Variants in BRWD1 observed in about 807,000 individuals in gnomAD.
BRWD1 encodes the protein bromodomain and WD repeat domain containing 1, also known as bromodomain and WD repeat-containing protein 1.
BRWD1 carries 82 observed loss-of-function variants against 251.2 expected under a neutral mutation model. The observed-to-expected ratio is 0.33, with a 90% CI of 0.27 to 0.39. BRWD1 has a LOEUF of 0.39. BRWD1 is among the 10% of genes least tolerant of loss of function. The probability of loss-of-function intolerance (pLI) is 1.00; values close to 1 mark genes in which losing one functional copy is unlikely to be tolerated. For synonymous variants in BRWD1, 918 were observed against 902.8 expected, an observed-to-expected ratio of 1.02 and a Z score of -0.30; for missense variants, 2,233 against 2,711.6, an observed-to-expected ratio of 0.82 and a Z score of 3.92.
At chr21:39,254,611 A>G (rs2034503000) in intron 19 of BRWD1, among the ~76,000 whole-genome samples, 1 of 152,236 alleles carries the variant, frequency 6.6e-6, no homozygotes, top group Non-Finnish European at 1.5e-5. Context: ...TAATCAAGCC[A>G]TCTACTCTGC....
At chr21:39,274,150 G>T (rs2035204877) in intron 13 of BRWD1, among the ~76,000 whole-genome samples, 1 of 152,116 alleles carries the variant, frequency 6.6e-6, no homozygotes, top group South Asian at 2.1e-4. Context: ...AAAAGTACAT[G>T]TTATTCTTTG....
intron 12 of BRWD1, 22 bp from the exon 13 acceptor site, chr21:39,274,494 T>G (rs1397585458): frequency 6.4e-7 from 1 of 1,561,688 alleles, no homozygotes; most frequent in Admixed American, 1.7e-5. Context: ...CAGAACAGGA[T>G]CTTACTATAT....
chr21:39,303,120 T>C (rs1338360469), intron 4 of BRWD1, among the ~76,000 whole-genome samples: 1 of 152,160 alleles, frequency 6.6e-6, no homozygotes, highest in Non-Finnish European at 1.5e-5. Context: ...CTTTATTTAT[T>C]TGGGAAGTGG....
chr21:39,221,965 TAAAC>T (rs2033195116), intron 29 of BRWD1, among the ~76,000 whole-genome samples: 1 of 149,878 alleles, frequency 6.7e-6, no homozygotes, highest in African/African-American at 2.4e-5. Flanking sequence ...AAATGACCAA[TAAAC>T]AAAGGAAAAA....
downstream of BRWD1, chr21:39,184,731 C>A (rs560406721): frequency 3.9e-5 from 6 of 152,220 alleles, no homozygotes; most frequent in East Asian, 1.2e-3. Flanking sequence ...GAACATTTAG[C>A]AATAAAATTA....
chr21:39,260,009 C>T (rs2034689244), intron 17 of BRWD1, among the ~76,000 whole-genome samples: 1 of 152,114 alleles, frequency 6.6e-6, no homozygotes, highest in African/African-American at 2.4e-5. Context: ...CTGAGTAAGA[C>T]TCCCTTGCAT....
chr21:39,189,200 AG>A lies in BRWD1; in HGVS notation c.*7058del. On this transcript the variant is annotated 3_prime_UTR_variant, in exon 41 of 41. Transcript: ENST00000342449. ...TAAGGTGAAATTTGCACTTTATAGTAGGATGAGAATATACTATTATCAACTA... is the reference window on the plus strand; with the variant it reads ...TAAGGTGAAATTTGCACTTTATAGTAGATGAGAATATACTATTATCAACTA... The A allele has an allele frequency of 1.0e-6, 1 of 985,282 alleles. No homozygotes were observed. The highest frequency in any genetic ancestry group is 1.2e-6 in the Non-Finnish European group (1 of 829,760). The allele number at this position is 985,282 out of a possible 1,614,324, so 61.0% of individuals were successfully genotyped here. A position where few individuals can be genotyped will look rare whatever the true frequency, so the allele number is the denominator to read the frequency against.
At chr21:39,304,884 T>C (rs1455356484) in intron 4 of BRWD1, among the ~76,000 whole-genome samples, 1 of 150,640 alleles carries the variant, frequency 6.6e-6, no homozygotes, top group Non-Finnish European at 1.5e-5. Flanking sequence ...ACAAAAATCC[T>C]AAATTTGAAT....
At chr21:39,318,348 A>G (rs1156685069), upstream of BRWD1, among the ~76,000 whole-genome samples, 1 of 152,232 alleles carries the variant, frequency 6.6e-6, no homozygotes, top group Non-Finnish European at 1.5e-5. Flanking sequence ...GCAATGGAGA[A>G]CATGCAAAAC....
intron 8 of BRWD1, among the ~76,000 whole-genome samples, chr21:39,287,941 GACA>G (rs1233311997): frequency 6.6e-6 from 1 of 152,152 alleles, no homozygotes; most frequent in South Asian, 2.1e-4. Context: ...AGCTGCACTG[GACA>G]ACAATAAATA....
intron 4 of BRWD1, among the ~76,000 whole-genome samples, chr21:39,310,884 TAA>T (rs1204669437): frequency 4.6e-5 from 7 of 152,046 alleles, no homozygotes; most frequent in Non-Finnish European, 8.8e-5. Flanking sequence ...AAGGTATTTT[TAA>T]AAGACTTTGA....
intron 8 of BRWD1, among the ~76,000 whole-genome samples, chr21:39,282,976 A>G (rs1601456439): frequency 6.6e-6 from 1 of 151,550 alleles, no homozygotes; most frequent in East Asian, 1.9e-4. Flanking sequence ...AAAAAAAAAA[A>G]GGAATTCTAA....
In BRWD1 at chr21:39,189,708, TTAA is replaced by T. The variant is rs1164030380; in HGVS notation, c.*6548_*6550del. On this transcript the variant is annotated 3_prime_UTR_variant, in exon 41 of 41. Transcript: ENST00000342449. ...TTTTTTAAATACATTCAAGTCAGTG[TTAA>T]TTTTATTACTGAAAACTGAGTAAAT... The T allele has an allele frequency of 1.0e-6, 1 of 981,628 alleles. No individual in the cohort carries two copies. The highest frequency in any genetic ancestry group is 1.1e-4 in the East Asian group (1 of 8,802). The allele number at this position is 981,628 out of a possible 1,614,324, so 60.8% of individuals were successfully genotyped here.
chr21:39,296,250 G>T lies in BRWD1; in HGVS notation c.448+15C>A. 1 of 1,572,132 alleles carries T rather than the reference G, an allele frequency of 6.4e-7. No homozygotes were observed. Among genetic ancestry groups the T allele is most frequent in the Non-Finnish European group, 8.6e-7 (1 of 1,161,860 alleles). ...AACAATTATTTCAGGCATCTCAAAG[G>T]CCAACCTTACTTACCAAGATTTGGT... On this transcript the variant is annotated intron_variant, in intron 6 of 40. Coordinates refer to ENST00000342449, the MANE Select transcript of BRWD1 (RefSeq NM_033656.4).
intron 9 of BRWD1, among the ~76,000 whole-genome samples, chr21:39,279,821 C>T (rs1276956261): frequency 6.6e-6 from 1 of 152,032 alleles, no homozygotes; most frequent in Admixed American, 6.6e-5. Flanking sequence ...TTAGACAGCA[C>T]AGGTATACAA....
At chr21:39,255,285 G>A (rs9977926) in intron 19 of BRWD1, among the ~76,000 whole-genome samples, 15,432 of 151,910 alleles carry the variant, frequency 0.1, 914 homozygotes, top group East Asian at 0.14. Context: ...GGTGGCGGGC[G>A]CCTGTAAGCC....
At chr21:39,255,213 C>A (rs898624731) in intron 19 of BRWD1, among the ~76,000 whole-genome samples, 2 of 151,968 alleles carry the variant, frequency 1.3e-5, no homozygotes, top group African/African-American at 2.4e-5. Flanking sequence ...GAGTTCGAGA[C>A]CAGCCTGGCC....
At chr21:39,292,906 A>G (rs961200642) in intron 8 of BRWD1, among the ~76,000 whole-genome samples, 1 of 152,238 alleles carries the variant, frequency 6.6e-6, no homozygotes, top group Admixed American at 6.5e-5. Flanking sequence ...ACATCAATAA[A>G]TAGTGTGATA....
chr21:39,258,764 G>C (rs2034644589), intron 17 of BRWD1, 92 bp from the exon 18 acceptor site: 1 of 827,654 alleles, frequency 1.2e-6, no homozygotes, highest in East Asian at 3.0e-5. Flanking sequence ...ATTAACAATG[G>C]TCAGAATTTC....
Sources: gnomAD v4.1 joint callset for allele counts (sites outside exome capture counted in the v4.1 genomes callset) on GRCh38, gnomAD v4.1.1 for gene constraint, MANE v1.5 for transcripts, NCBI Gene and HGNC (gene_info 2026-07-23, HGNC 2026-07-21) for gene names.